Variants in LRRC7 observed in about 807,000 individuals in gnomAD.
LRRC7 encodes the protein leucine rich repeat containing 7, also known as leucine-rich repeat-containing protein 7.
LRRC7 carries 23 observed loss-of-function variants against 175.7 expected under a neutral mutation model. That is an observed-to-expected ratio of 0.13 (90% confidence interval 0.09 to 0.19). LRRC7 has a LOEUF of 0.19. Ranked by LOEUF, LRRC7 falls within the 10% of genes least tolerant of loss-of-function variation. The probability of loss-of-function intolerance (pLI) is 1.00; values close to 1 mark genes in which losing one functional copy is unlikely to be tolerated. For synonymous variants in LRRC7, 685 were observed against 680.9 expected, an observed-to-expected ratio of 1.01 and a Z score of -0.09; for missense variants, 1,354 against 1,904.7, an observed-to-expected ratio of 0.71 and a Z score of 5.38.
intron 1 of LRRC7, among the ~76,000 whole-genome samples, chr1:69,624,399 G>T (rs558504451): frequency 6.6e-6 from 1 of 152,042 alleles, no homozygotes; most frequent in African/African-American, 2.4e-5. Context: ...TTTATTAATA[G>T]AAATCCTTTA....
intron 5 of LRRC7, among the ~76,000 whole-genome samples, chr1:69,829,987 G>A (rs1271188723): frequency 2.6e-5 from 4 of 151,610 alleles, no homozygotes; most frequent in African/African-American, 9.7e-5. Context: ...GGAAAAGCAA[G>A]AACTAACATT....
At chr1:69,977,510 T>A (rs1307507749) in intron 8 of LRRC7, among the ~76,000 whole-genome samples, 1 of 152,188 alleles carries the variant, frequency 6.6e-6, no homozygotes, top group Non-Finnish European at 1.5e-5. Flanking sequence ...GTGCTGTGTA[T>A]CCATTCTTCT....
At chr1:69,620,010 C>G (rs1443762406) in intron 1 of LRRC7, among the ~76,000 whole-genome samples, 9 of 152,126 alleles carry the variant, frequency 5.9e-5, no homozygotes, top group Admixed American at 5.9e-4. Context: ...AAACAATGAA[C>G]TTTTGTGTCA....
intron 7 of LRRC7, among the ~76,000 whole-genome samples, chr1:69,882,620 T>C (rs1422239056): frequency 6.6e-6 from 1 of 152,054 alleles, no homozygotes; most frequent in Non-Finnish European, 1.5e-5. Context: ...CTTTTTTTTT[T>C]TTTTTAATTA....
At position 69,927,653 on chromosome 1, in the gene LRRC7, C is replaced by G. The variant is rs182852242; in HGVS notation, c.648-3854C>G. 4.8e-3 allele frequency among the ~76,000 whole-genome samples: 733 copies of G among 152,316 alleles called. 10 individuals carry two copies. Among genetic ancestry groups the G allele is most frequent in the African/African-American group, 0.016 (678 of 41,562 alleles). On this transcript the variant is annotated intron_variant, in intron 7 of 26. Transcript: ENST00000651989. ...GTAGTTCTCGAGCCTTGGCTTTCAGCTCCATCAGCTCCTTTAAGGACTTCT... is the reference window on the plus strand; with the variant it reads ...GTAGTTCTCGAGCCTTGGCTTTCAGGTCCATCAGCTCCTTTAAGGACTTCT...
chr1:69,985,089 G>A (rs1653812034), intron 9 of LRRC7, among the ~76,000 whole-genome samples: 1 of 152,110 alleles, frequency 6.6e-6, no homozygotes, highest in Non-Finnish European at 1.5e-5. Flanking sequence ...CTGTTCTGTG[G>A]CATTCACTAC....
intron 4 of LRRC7, among the ~76,000 whole-genome samples, chr1:69,808,019 C>T (rs2101126052): frequency 6.6e-6 from 1 of 151,768 alleles, no homozygotes; most frequent in East Asian, 2.0e-4. Context: ...TTTCTCTAAA[C>T]TTGTCTTCAT....
chr1:69,752,958 A>C (rs1227284150), intron 2 of LRRC7, among the ~76,000 whole-genome samples: 3 of 152,094 alleles, frequency 2.0e-5, no homozygotes, highest in Admixed American at 2.0e-4. Flanking sequence ...CTGTGTGCAG[A>C]CATGTGGTAA....
At chr1:69,775,107 A>G (rs1279047372) in intron 3 of LRRC7, among the ~76,000 whole-genome samples, 1 of 152,206 alleles carries the variant, frequency 6.6e-6, no homozygotes, top group Non-Finnish European at 1.5e-5. Context: ...ATTTGACAAT[A>G]TAATAGCACT....
chr1:69,703,712 C>T (rs572407607), intron 2 of LRRC7, among the ~76,000 whole-genome samples: 7 of 151,774 alleles, frequency 4.6e-5, no homozygotes, highest in Admixed American at 2.6e-4. Context: ...GTATGTTTGC[C>T]GGTGTGTGTA....
chr1:69,629,233 G>A (rs76777421), intron 1 of LRRC7, among the ~76,000 whole-genome samples: 19,497 of 152,012 alleles, frequency 0.13, 1,591 homozygotes, highest in South Asian at 0.19. Context: ...TGTTATCCAA[G>A]ATGTACAACT....
rs749253540 is a variant in LRRC7, at chr1:69,603,359, G to T, written c.2+34718G>T. On this transcript the variant is annotated intron_variant, in intron 1 of 26. Transcript: ENST00000651989. ...ATTTTGTTAATTACGTTATCCTGGTGACATTTGGTAATGCTAATGGTGGTT... is the reference window on the plus strand; with the variant it reads ...ATTTTGTTAATTACGTTATCCTGGTTACATTTGGTAATGCTAATGGTGGTT... Among the ~76,000 whole-genome samples, 176 of 152,168 alleles carry T rather than the reference G, an allele frequency of 1.2e-3. 1 individual carries two copies. Among genetic ancestry groups the T allele is most frequent in the Non-Finnish European group, 2.2e-3 (149 of 68,024 alleles).
chr1:69,590,799 A>T (rs61782212), intron 1 of LRRC7, among the ~76,000 whole-genome samples: 16,074 of 152,138 alleles, frequency 0.11, 1,007 homozygotes, highest in Admixed American at 0.15. Flanking sequence ...TTGATATCAA[A>T]TATGAGCTTT....
At chr1:70,048,117 G>A (rs935777520) in intron 22 of LRRC7, among the ~76,000 whole-genome samples, 30 of 152,006 alleles carry the variant, frequency 2.0e-4, no homozygotes, top group African/African-American at 6.0e-4. Flanking sequence ...CTTAGCTATC[G>A]TCTTGAAATT....
chr1:69,707,244 C>T (rs892945776), intron 2 of LRRC7, among the ~76,000 whole-genome samples: 4 of 152,136 alleles, frequency 2.6e-5, no homozygotes, highest in African/African-American at 9.7e-5. Flanking sequence ...AGTCTTTCGG[C>T]TTGTGTTCAA....
intron 3 of LRRC7, among the ~76,000 whole-genome samples, chr1:69,781,680 AAAAAAAAGAAGAAAG>A (rs1673522155): frequency 2.0e-5 from 2 of 101,654 alleles, no homozygotes; most frequent in Non-Finnish European, 1.9e-5. Flanking sequence ...AGACTGTCTC[AAAAAAAAGAAGAAAG>A]AAAGAAAGAA....
chr1:70,068,820 A>T (rs1662168281), intron 23 of LRRC7, among the ~76,000 whole-genome samples: 1 of 152,184 alleles, frequency 6.6e-6, no homozygotes, highest in East Asian at 1.9e-4. Context: ...GGGCTCAATG[A>T]TCCTCCTACC....
chr1:70,021,148 G>A lies in LRRC7; in HGVS notation c.1545+19G>A, dbSNP rs367674178. The A allele has an allele frequency of 1.4e-4, 226 of 1,602,954 alleles. 2 individuals carry two copies. The African/African-American group carries it at 2.7e-3, about 19-fold the overall frequency. ...AGTTAAGGTGAACCTTTTAGCTTTTGTTTCCTCTTTCTTCTCCTTATCTTT... is the reference window on the plus strand; with the variant it reads ...AGTTAAGGTGAACCTTTTAGCTTTTATTTCCTCTTTCTTCTCCTTATCTTT... On this transcript the variant is annotated intron_variant, in intron 16 of 26. Coordinates refer to ENST00000651989, the MANE Select transcript of LRRC7 (RefSeq NM_001370785.2).
At chr1:69,735,227 AT>A (rs1667984161) in intron 2 of LRRC7, among the ~76,000 whole-genome samples, 1 of 152,014 alleles carries the variant, frequency 6.6e-6, no homozygotes, top group Non-Finnish European at 1.5e-5. Context: ...TCATATTTAA[AT>A]TTCCCCAGTG....
Sources: allele counts gnomAD v4.1 joint callset (sites outside exome capture counted in the v4.1 genomes callset), GRCh38; gene constraint gnomAD v4.1.1; transcripts MANE v1.5; gene names NCBI Gene and HGNC (gene_info 2026-07-23, HGNC 2026-07-21).